DNAH17: variants seen among roughly 807,000 people sequenced by gnomAD.
DNAH17 encodes the protein axonemal beta dynein heavy chain 17.
A neutral mutation model predicts 485.6 loss-of-function variants in DNAH17; 376 were observed. That is an observed-to-expected ratio of 0.77 (90% CI 0.71 to 0.84). The LOEUF (loss-of-function observed/expected upper bound fraction) is 0.84. DNAH17 is among the 40% of genes least tolerant of loss of function. The pLI is 0.00. For missense variants in DNAH17, 6,370 were observed against 5,839.3 expected, an observed-to-expected ratio of 1.09 and a Z score of -2.96; for synonymous variants, 3,031 against 2,405.9, an observed-to-expected ratio of 1.26 and a Z score of -7.60.
At chr17:78,497,164 G>T (rs1478475257) in intron 37 of DNAH17, 1 of 152,176 alleles carries the variant, frequency 6.6e-6, no homozygotes, top group Non-Finnish European at 1.5e-5. Flanking sequence ...AGACAGTCTT[G>T]AAGGCCAACT....
intron 5 of DNAH17, 58 bp from the exon 6 acceptor site, chr17:78,571,091 A>T: frequency 6.7e-7 from 1 of 1,484,438 alleles, no homozygotes; most frequent in Non-Finnish European, 9.2e-7. Context: ...CTCAGAAACG[A>T]TGAGGGTGCG....
intron 16 of DNAH17, among the ~76,000 whole-genome samples, chr17:78,544,380 G>A (rs1216364759): frequency 2.0e-5 from 3 of 152,198 alleles, no homozygotes; most frequent in African/African-American, 4.8e-5. Flanking sequence ...GTCCATAGCT[G>A]CAAACGGAGG....
chr17:78,508,969 G>GCT (rs1555679172), intron 27 of DNAH17, among the ~76,000 whole-genome samples: 1 of 98,790 alleles, frequency 1.0e-5, no homozygotes, highest in African/African-American at 4.4e-5. Flanking sequence ...GTGCCCAGCT[G>GCT]TTTTTTTTTT....
In DNAH17 at chr17:78,500,116, A is replaced by C. The variant is rs1294837520; in HGVS notation, c.5640+189T>G. 6.6e-6 allele frequency: 4 copies of C among 610,390 alleles called. No individual in the cohort carries two copies. In the Admixed American group the frequency reaches 1.3e-4, roughly 20 times the overall value. The allele number at this position is 610,390 out of a possible 1,614,324, so 37.8% of individuals were successfully genotyped here. ...TTGGGGCTGCGTCTGTCCACCCTGG[A>C]AGTCTTTCCAGAGGGACCACCTGAG... On this transcript the variant is annotated intron_variant, in intron 36 of 80. Coordinates refer to ENST00000389840, the MANE Select transcript of DNAH17 (RefSeq NM_173628.4).
chr17:78,490,973 C>A (rs921989744), intron 43 of DNAH17, 126 bp from the exon 44 acceptor site: 2 of 1,221,394 alleles, frequency 1.6e-6, no homozygotes, highest in African/African-American at 1.5e-5. Context: ...AGCCCTGCCA[C>A]CCCTGGCCCA....
chr17:78,434,260 A>AG, intron 74 of DNAH17, 40 bp from the exon 75 acceptor site: 1 of 1,562,756 alleles, frequency 6.4e-7, no homozygotes, highest in Non-Finnish European at 8.7e-7. Context: ...AGGGAGAGGG[A>AG]GAAGTTTACA....
chr17:78,535,360 C>A (rs62075887), intron 19 of DNAH17, among the ~76,000 whole-genome samples: 5 of 152,192 alleles, frequency 3.3e-5, no homozygotes, highest in Non-Finnish European at 7.3e-5. Context: ...GCATGGAAAC[C>A]TCCTCCCACC....
intron 16 of DNAH17, 52 bp downstream of exon 16, chr17:78,551,483 G>A (rs1357171046): frequency 1.3e-6 from 2 of 1,572,464 alleles, no homozygotes; most frequent in African/African-American, 2.7e-5. Flanking sequence ...TTTGCCCCAG[G>A]GCAGCCCCAG....
At chr17:78,504,071 A>AC (rs2090401183) in intron 31 of DNAH17, among the ~76,000 whole-genome samples, 1 of 146,258 alleles carries the variant, frequency 6.8e-6, no homozygotes, top group African/African-American at 2.5e-5. Context: ...ATGAGGGTAG[A>AC]TTTTTTTTTT....
chr17:78,479,720 G>C, intron 49 of DNAH17, 88 bp from the exon 50 acceptor site: 2 of 1,564,972 alleles, frequency 1.3e-6, no homozygotes, highest in East Asian at 4.5e-5. Flanking sequence ...AGTGGCCCCT[G>C]TCCTCATGTT....
At chr17:78,454,186 A>G (rs2087682754) in intron 64 of DNAH17, among the ~76,000 whole-genome samples, 1 of 152,244 alleles carries the variant, frequency 6.6e-6, no homozygotes. Context: ...GACCAGCCTC[A>G]AACCTCCCAG....
chr17:78,470,700 A>G (rs2088708865), intron 54 of DNAH17, among the ~76,000 whole-genome samples: 1 of 152,208 alleles, frequency 6.6e-6, no homozygotes, highest in Admixed American at 6.5e-5. Context: ...AAGAAAAGAA[A>G]TAAGTAACAG....
At chr17:78,566,150 G>A (rs979403259) in intron 11 of DNAH17, among the ~76,000 whole-genome samples, 9 of 152,162 alleles carry the variant, frequency 5.9e-5, no homozygotes, top group African/African-American at 1.9e-4. Flanking sequence ...ACTGAGAGAA[G>A]TGAAATGTTT....
chr17:78,445,299 G>T (rs1346657717), intron 70 of DNAH17, among the ~76,000 whole-genome samples: 1 of 152,144 alleles, frequency 6.6e-6, no homozygotes, highest in Admixed American at 6.5e-5. Flanking sequence ...CTGGCCCCCA[G>T]AGGATATCAC....
At chr17:78,553,294 T>TG (rs2091947226) in intron 14 of DNAH17, among the ~76,000 whole-genome samples, 3 of 42,808 alleles carry the variant, frequency 7.0e-5, no homozygotes, top group African/African-American at 1.6e-4. Context: ...TTTTTTTTTT[T>TG]TTTTTTTTTT....
At chr17:78,565,502 C>T (rs1453408636) in intron 11 of DNAH17, among the ~76,000 whole-genome samples, 1 of 152,208 alleles carries the variant, frequency 6.6e-6, no homozygotes, top group Non-Finnish European at 1.5e-5. Flanking sequence ...TGAAATCCTC[C>T]TGAAAGATGA....
At chr17:78,569,763 C>T (rs1330386284) in intron 7 of DNAH17, among the ~76,000 whole-genome samples, 3 of 152,204 alleles carry the variant, frequency 2.0e-5, no homozygotes, top group Non-Finnish European at 2.9e-5. Context: ...TGATGAGAGG[C>T]CCTCCAGGGA....
intron 14 of DNAH17, among the ~76,000 whole-genome samples, chr17:78,553,193 C>T (rs1401055877): frequency 6.7e-6 from 1 of 148,242 alleles, no homozygotes; most frequent in Non-Finnish European, 1.5e-5. Flanking sequence ...CCCCCAGAAA[C>T]AGAAACCACT....
chr17:78,566,911 G>A (rs150653667), intron 10 of DNAH17, 88 bp downstream of exon 10: 18 of 1,473,382 alleles, frequency 1.2e-5, no homozygotes, highest in Non-Finnish European at 1.6e-5. Context: ...CTTCCTCCGT[G>A]TGCCCTCCCA....
Sources: gnomAD v4.1 joint callset for allele counts (sites outside exome capture counted in the v4.1 genomes callset) on GRCh38, gnomAD v4.1.1 for gene constraint, MANE v1.5 for transcripts, NCBI Gene and HGNC (gene_info 2026-07-23, HGNC 2026-07-21) for gene names.